DNAAF2: variants seen among roughly 807,000 people sequenced by gnomAD.
DNAAF2 encodes the protein protein kintoun.
A neutral mutation model predicts 48.8 loss-of-function variants in DNAAF2; 58 were observed. The observed-to-expected ratio is 1.19, with a 90% CI of 0.96 to 1.48. The LOEUF is 1.48. DNAAF2 is among the 40% of genes most tolerant of loss of function. The probability of loss-of-function intolerance (pLI) is 0.00; values close to 1 mark genes in which losing one functional copy is unlikely to be tolerated. For missense variants in DNAAF2, 1,241 were observed against 1,116.1 expected, an observed-to-expected ratio of 1.11 and a Z score of -1.59; for synonymous variants, 567 against 481.2, an observed-to-expected ratio of 1.18 and a Z score of -2.33.
chr14:49,634,097 C>T lies in DNAAF2; in HGVS notation c.1053G>A (p.Pro351=), dbSNP rs780614468. 30 of 1,544,204 alleles carry T rather than the reference C, an allele frequency of 1.9e-5. No homozygotes were observed. Among genetic ancestry groups the T allele is most frequent in the East Asian group, 2.5e-5 (1 of 40,710 alleles). ...CGACAGCGGGCTCCCGGCGCGCGGC[C>T]GGCAGCACCACTGGCAGCGTAACCA... is the stretch of plus-strand genomic sequence containing the variant. ...QLVVTLPVVL[P]AARREPAVAV... is the part of the protein sequence containing the mutation. The change falls in exon 1 of 3, where the codon CCG becomes CCA. Residue 351 remains proline (P), a synonymous_variant. Transcript: ENST00000298292.
Position 49,634,459 on chromosome 14 carries a change from G to T in DNAAF2, c.691C>A (p.Pro231Thr). The change falls in exon 1 of 3, where the codon CCG becomes ACG. Residue 231 changes from proline to threonine, a missense_variant. Coordinates refer to ENST00000298292, the MANE Select transcript of DNAAF2 (RefSeq NM_018139.3). Reference sequence around the variant, plus strand: ...GGCGCCCGGGGCCCGGGGGCTGCCGGGTACTGGTAAGGGTAGGGGAAGTCC... The same window carrying T: ...GGCGCCCGGGGCCCGGGGGCTGCCGTGTACTGGTAAGGGTAGGGGAAGTCC... ...LPDFPYPYQY[P>T]AAPGPRAPSP... The T allele has an allele frequency of 6.4e-7, 1 of 1,564,328 alleles. No individual in the cohort carries two copies. The highest frequency in any genetic ancestry group is 8.6e-7 in the Non-Finnish European group (1 of 1,159,090).
At position 49,625,964 on chromosome 14, in the gene DNAAF2, T is replaced by C. The variant is rs1224909457; in HGVS notation, c.2092A>G (p.Ile698Val). ...GTTGTAGGGGTGTTACAATGTTCTA[T>C]ATATTCCTTTTCAGTTAGATGACTT... ...EESHLTEKEY[I>V]EHCNTPTTDS... The change falls in exon 3 of 3, where the codon ATA becomes GTA. Residue 698 changes from isoleucine (I) to valine (V), a missense_variant. Transcript: ENST00000298292. 2 of 1,606,480 alleles carry C rather than the reference T, an allele frequency of 1.2e-6. No homozygotes were observed. The highest frequency in any genetic ancestry group is 1.7e-6 in the Non-Finnish European group (2 of 1,177,984).
At chr14:49,631,096 C>G (rs552755750) in intron 1 of DNAAF2, among the ~76,000 whole-genome samples, 1 of 152,122 alleles carries the variant, frequency 6.6e-6, no homozygotes, top group East Asian at 1.9e-4. Flanking sequence ...GAAAACCTAC[C>G]AAACAAAAGT....
chr14:49,629,676 T>G (rs1041336911), intron 1 of DNAAF2: 1 of 151,582 alleles, frequency 6.6e-6, no homozygotes, highest in Non-Finnish European at 1.5e-5. Context: ...AAAAAAAAAT[T>G]TGACATTTTT....
Position 49,634,816 on chromosome 14 carries a change from C to A in DNAAF2, c.334G>T (p.Gly112Cys). ...SSRPGSGGDR[G>C]AAPGSHWSLP... ...GACCAGTGGCTGCCAGGAGCTGCGCCCCGGTCGCCACCGGAGCCGGGCCGG... is the reference window on the plus strand; with the variant it reads ...GACCAGTGGCTGCCAGGAGCTGCGCACCGGTCGCCACCGGAGCCGGGCCGG... The change falls in exon 1 of 3, where the codon GGC (glycine) becomes TGC (cysteine). Residue 112 changes from glycine to cysteine, a missense_variant. Physicochemically the swap from Gly to Cys is radical, Grantham distance 159. Coordinates refer to ENST00000298292, the MANE Select transcript of DNAAF2 (RefSeq NM_018139.3). 1.3e-6 allele frequency: 2 copies of A among 1,549,934 alleles called. No individual in the cohort carries two copies. The highest frequency in any genetic ancestry group is 3.4e-4 in the Middle Eastern group (2 of 5,902).
In DNAAF2 at chr14:49,635,110, C is replaced by A; in HGVS notation, c.40G>T (p.Asp14Tyr). Residue 14 changes from aspartate (D) to tyrosine (Y), a missense_variant, in exon 1 of 3, where the codon GAC becomes TAC. Asp to Tyr is a radical substitution (Grantham distance 160, BLOSUM62 -3). Coordinates refer to ENST00000298292, the MANE Select transcript of DNAAF2 (RefSeq NM_018139.3). ...CGCTGGACCTCCTCTCCGCTCAGGT[C>A]CAAGTCCTCCAGCGACGAGGAGGCC... ...AAASSSLEDL[D>Y]LSGEEVQRLT... is the part of the protein sequence containing the mutation. The A allele has an allele frequency of 6.4e-7, 1 of 1,573,720 alleles. No individual in the cohort carries two copies. Among genetic ancestry groups the A allele is most frequent in the Non-Finnish European group, 8.6e-7 (1 of 1,160,434 alleles).
intron 1 of DNAAF2, among the ~76,000 whole-genome samples, chr14:49,632,842 T>C (rs969176256): frequency 1.3e-5 from 2 of 152,216 alleles, no homozygotes; most frequent in African/African-American, 4.8e-5. Flanking sequence ...AAAAATTACA[T>C]GTAACATTAA....
rs921889109 is a variant in DNAAF2, at chr14:49,633,862, C to T, written c.1288G>A (p.Glu430Lys). The change falls in exon 1 of 3, where the codon GAG (glutamate) becomes AAG (lysine). Residue 430 changes from glutamate to lysine, a missense_variant. Physicochemically the swap from Glu to Lys is moderately conservative, Grantham distance 56. Transcript: ENST00000298292. ...VAPPPAAAGE[E>K]RVPKPGEQDL... ...TGCTCCCCCGGCTTGGGGACACGCTCCTCTCCAGCTGCGGCCGGCGGAGGC... is the reference window on the plus strand; with the variant it reads ...TGCTCCCCCGGCTTGGGGACACGCTTCTCTCCAGCTGCGGCCGGCGGAGGC... 2 of 1,548,096 alleles carry T rather than the reference C, an allele frequency of 1.3e-6. No homozygotes were observed. The highest frequency in any genetic ancestry group is 1.7e-6 in the Non-Finnish European group (2 of 1,154,218).
At position 49,634,227 on chromosome 14, in the gene DNAAF2, C is replaced by A. The variant is rs1248971763; in HGVS notation, c.923G>T (p.Cys308Phe). ...GTAGTCAGGTTTCCTCGAGTCGAGG[C>A]ACAGCAGCTTTCTCGTTACCTCCAG... The part of the protein sequence containing the change: ...AALEVTRKLL[C>F]LDSRKPDYRL... The change falls in exon 1 of 3, where the codon TGC becomes TTC. Residue 308 changes from cysteine (C) to phenylalanine (F), a missense_variant. Coordinates refer to ENST00000298292, the MANE Select transcript of DNAAF2 (RefSeq NM_018139.3). 1 of 1,612,394 alleles carries A rather than the reference C, an allele frequency of 6.2e-7. No individual in the cohort carries two copies. Among genetic ancestry groups the A allele is most frequent in the Non-Finnish European group, 8.5e-7 (1 of 1,179,778 alleles).
rs951961172 is a variant in DNAAF2, at chr14:49,634,440, C to G, written c.710G>C (p.Arg237Pro). 1 of 1,557,982 alleles carries G rather than the reference C, an allele frequency of 6.4e-7. No individual in the cohort carries two copies. Among genetic ancestry groups the G allele is most frequent in the Non-Finnish European group, 8.7e-7 (1 of 1,154,618 alleles). The change falls in exon 1 of 3, where the codon CGG (arginine) becomes CCG (proline). Residue 237 changes from arginine to proline, a missense_variant. Transcript: ENST00000298292. ...GGCCGCTTCCGGAGGGGAGGGCGCC[C>G]GGGGCCCGGGGGCTGCCGGGTACTG... is the stretch of plus-strand genomic sequence containing the variant. ...PYQYPAAPGP[R>P]APSPPEAALQ...
At position 49,634,976 on chromosome 14, in the gene DNAAF2, C is replaced by T. The variant is rs781155100; in HGVS notation, c.174G>A (p.Ala58=). 1.0e-5 allele frequency: 16 copies of T among 1,562,296 alleles called. No homozygotes were observed. The highest frequency in any genetic ancestry group is 1.4e-5 in the Non-Finnish European group (16 of 1,153,448). Residue 58 remains alanine, a synonymous_variant, in exon 1 of 3, where the codon GCG becomes GCA. Coordinates refer to ENST00000298292, the MANE Select transcript of DNAAF2 (RefSeq NM_018139.3). ...CTTCCACCCCGCGCTCACGCTCTAGCGCGGTGATCTCCGCCTCGTAGCGCC... is the reference window on the plus strand; with the variant it reads ...CTTCCACCCCGCGCTCACGCTCTAGTGCGGTGATCTCCGCCTCGTAGCGCC... ...NRRRYEAEIT[A]LERERGVEVR...
chr14:49,625,975 T>C lies in DNAAF2; in HGVS notation c.2081A>G (p.Glu694Gly). 6.2e-7 allele frequency: 1 copy of C among 1,601,520 alleles called. No individual in the cohort carries two copies. The change falls in exon 3 of 3, where the codon GAA becomes GGA. Residue 694 changes from glutamate (E) to glycine (G), a missense_variant. By Grantham distance (98) the Glu-to-Gly change is moderately conservative. Transcript: ENST00000298292. ...ERVNEESHLT[E>G]KEYIEHCNTP... ...GTTACAATGTTCTATATATTCCTTTTCAGTTAGATGACTTTCTTCATTTAC... is the reference window on the plus strand; with the variant it reads ...GTTACAATGTTCTATATATTCCTTTCCAGTTAGATGACTTTCTTCATTTAC...
intron 1 of DNAAF2, among the ~76,000 whole-genome samples, chr14:49,632,803 T>C: frequency 6.6e-6 from 1 of 152,328 alleles, no homozygotes; most frequent in East Asian, 1.9e-4. Flanking sequence ...TTCTCAACAC[T>C]TAACTCTTGT....
At chr14:49,629,397 C>G (rs980635485) in intron 1 of DNAAF2, 2 of 152,448 alleles carry the variant, frequency 1.3e-5, no homozygotes, top group African/African-American at 4.8e-5. Context: ...TCCACCTGTG[C>G]CCCCAAGTGC....
In DNAAF2 at chr14:49,634,826, AC is replaced by A. The variant is rs1179710505; in HGVS notation, c.323del (p.Gly108ValfsTer71). On this transcript the variant is annotated frameshift_variant, in exon 1 of 3. Coordinates refer to ENST00000298292, the MANE Select transcript of DNAAF2 (RefSeq NM_018139.3). LOFTEE classifies it high-confidence loss of function. The stretch of plus-strand genomic sequence containing the variant: ...TGCCAGGAGCTGCGCCCCGGTCGCC[AC>A]CGGAGCCGGGCCGGCTGCTGGGCGC... Reference protein sequence around the residue: ...VGAPSSRPGSGGDRGAAPGSH... With the variant: ...VGAPSSRPGSXGDRGAAPGSH... The A allele has an allele frequency of 6.5e-7, 1 of 1,546,546 alleles. No individual in the cohort carries two copies. The highest frequency in any genetic ancestry group is 8.7e-7 in the Non-Finnish European group (1 of 1,147,412).
In DNAAF2 at chr14:49,634,890, C is replaced by T. The variant is rs1555328120; in HGVS notation, c.260G>A (p.Arg87His). The change falls in exon 1 of 3, where the codon CGC (arginine) becomes CAC (histidine). Residue 87 changes from arginine (R) to histidine (H), a missense_variant. Coordinates refer to ENST00000298292, the MANE Select transcript of DNAAF2 (RefSeq NM_018139.3). ...GTTGCTGCAGACATTCACAAAGCAG[C>T]GCCGCGCCCCGTCCAGGCTGGTGCG... is the stretch of plus-strand genomic sequence containing the variant. ...VLRTSLDGAR[R>H]CFVNVCSNAL... 2 of 1,549,760 alleles carry T rather than the reference C, an allele frequency of 1.3e-6. No individual in the cohort carries two copies. The highest frequency in any genetic ancestry group is 8.7e-7 in the Non-Finnish European group (1 of 1,146,552).
At position 49,633,583 on chromosome 14, in the gene DNAAF2, G is replaced by A. The variant is rs1169233962; in HGVS notation, c.1567C>T (p.Pro523Ser). Reference protein sequence around the residue: ...PGTKSGEPLCPPLLCNQDKET... With the variant: ...PGTKSGEPLCSPLLCNQDKET... ...TTGTCCTGATTACACAGTAACGGAG[G>A]ACACAAAGGCTCCCCGCTCTTGGTC... is the stretch of plus-strand genomic sequence containing the variant. The change falls in exon 1 of 3, where the codon CCT becomes TCT. Residue 523 changes from proline (P) to serine (S), a missense_variant. By Grantham distance (74) the Pro-to-Ser change is moderately conservative (BLOSUM62 -1). Transcript: ENST00000298292. 4 of 1,613,828 alleles carry A rather than the reference G, an allele frequency of 2.5e-6. No homozygotes were observed. The highest frequency in any genetic ancestry group is 1.7e-6 in the Non-Finnish European group (2 of 1,179,892).
chr14:49,633,575 T>A lies in DNAAF2; in HGVS notation c.1575A>T (p.Leu525Phe). 2 of 1,613,974 alleles carry A rather than the reference T, an allele frequency of 1.2e-6. No homozygotes were observed. Among genetic ancestry groups the A allele is most frequent in the Non-Finnish European group, 1.7e-6 (2 of 1,179,864 alleles). The change falls in exon 1 of 3, where the codon TTA (leucine) becomes TTT (phenylalanine). Residue 525 changes from leucine (L) to phenylalanine (F), a missense_variant. Transcript: ENST00000298292. ...TKSGEPLCPP[L>F]LCNQDKETLT... ...AGGTTTCTTTGTCCTGATTACACAG[T>A]AACGGAGGACACAAAGGCTCCCCGC...
chr14:49,633,764 A>T lies in DNAAF2; in HGVS notation c.1386T>A (p.Pro462=), dbSNP rs749856571. The T allele has an allele frequency of 4.4e-6, 7 of 1,591,274 alleles. No homozygotes were observed. The highest frequency in any genetic ancestry group is 1.7e-4 in the Middle Eastern group (1 of 5,976). ...ACAAACAAGGGGAGCCTCCGCCACC[A>T]GGTGAGTTTTCTCCTCCAGGAGATG... ...EEPSPGGENS[P]GGGGSPCLSS... Residue 462 remains proline, a synonymous_variant, in exon 1 of 3, where the codon CCT becomes CCA. Transcript: ENST00000298292.
Sources: allele counts gnomAD v4.1 joint callset (sites outside exome capture counted in the v4.1 genomes callset), GRCh38; gene constraint gnomAD v4.1.1; transcripts MANE v1.5; gene names NCBI Gene and HGNC (gene_info 2026-07-23, HGNC 2026-07-21).